Variants in RUBCN observed in about 807,000 individuals in gnomAD.
The protein encoded by RUBCN is rubicon autophagy regulator.
RUBCN carries 74 observed loss-of-function variants against 113.2 expected under a neutral mutation model. The ratio of observed to expected loss-of-function variants is 0.65; its 90% CI spans 0.54 to 0.79. The LOEUF (loss-of-function observed/expected upper bound fraction) is 0.79. Ranked by LOEUF, RUBCN falls within the 30% of genes least tolerant of loss-of-function variation. The probability of loss-of-function intolerance (pLI) is 0.00; values close to 1 mark genes in which losing one functional copy is unlikely to be tolerated. For missense variants in RUBCN, 1,109 were observed against 1,251.7 expected (o/e 0.89, Z 1.72); for synonymous variants, 480 against 490.0 (o/e 0.98, Z 0.27).
intron 7 of RUBCN, chr3:197,699,268 A>G: frequency 7.0e-7 from 1 of 1,437,396 alleles, no homozygotes; most frequent in African/African-American, 1.4e-5. Flanking sequence ...GAGAGTCCAG[A>G]TAGAGCAATG....
chr3:197,733,518 C>T (rs1183471034), intron 1 of RUBCN, among the ~76,000 whole-genome samples: 3 of 152,112 alleles, frequency 2.0e-5, no homozygotes, highest in African/African-American at 7.2e-5. Flanking sequence ...ATGATGCTAT[C>T]TCATCAAGAA....
chr3:197,711,514 T>C (rs1724961975), intron 2 of RUBCN, among the ~76,000 whole-genome samples: 1 of 152,204 alleles, frequency 6.6e-6, no homozygotes, highest in Non-Finnish European at 1.5e-5. Context: ...AAGAAAATCA[T>C]TGGTAATTGC....
intron 2 of RUBCN, among the ~76,000 whole-genome samples, chr3:197,712,059 T>C (rs1725023674): frequency 6.6e-6 from 1 of 152,194 alleles, no homozygotes; most frequent in Non-Finnish European, 1.5e-5. Context: ...ACAGAGGTCT[T>C]TTTTTCATTA....
intron 16 of RUBCN, among the ~76,000 whole-genome samples, chr3:197,677,849 C>G (rs1720630732): frequency 7.2e-6 from 1 of 138,602 alleles, no homozygotes; most frequent in East Asian, 2.2e-4. Flanking sequence ...CACGCTCTAA[C>G]TCGACAACTG....
intron 13 of RUBCN, among the ~76,000 whole-genome samples, chr3:197,682,870 A>C (rs1224573476): frequency 6.6e-6 from 1 of 152,164 alleles, no homozygotes; most frequent in Admixed American, 6.5e-5. Flanking sequence ...AAGGTACTAC[A>C]AGTGAGGGCC....
chr3:197,708,554 C>CAAAAAA (rs113534449), intron 2 of RUBCN, among the ~76,000 whole-genome samples: 1 of 74,566 alleles, frequency 1.3e-5, no homozygotes, highest in East Asian at 5.2e-4. Context: ...GTGGTAGACT[C>CAAAAAA]AAAAAAAAAA....
Position 197,669,106 on chromosome 3 carries a change from G to T in RUBCN, c.*5912C>A, listed in dbSNP as rs1243068468. Among the ~76,000 whole-genome samples, 1 of 152,156 alleles carries T rather than the reference G, an allele frequency of 6.6e-6. No homozygotes were observed. Among genetic ancestry groups the T allele is most frequent in the Non-Finnish European group, 1.5e-5 (1 of 68,026 alleles). ...ATAATTTTAGATCCACAGTAAAGTT[G>T]CAAAGATAGTACAAATTCGTCACAT... On this transcript the variant is annotated 3_prime_UTR_variant, in exon 20 of 20. Coordinates refer to ENST00000296343, the MANE Select transcript of RUBCN (RefSeq NM_014687.4).
chr3:197,709,217 G>A (rs1724667949), intron 2 of RUBCN, among the ~76,000 whole-genome samples: 1 of 152,132 alleles, frequency 6.6e-6, no homozygotes, highest in Non-Finnish European at 1.5e-5. Context: ...TGTTGCATAA[G>A]CAGTTTTTTC....
At chr3:197,743,875 T>G (rs1728627948) in intron 1 of RUBCN, among the ~76,000 whole-genome samples, 1 of 151,930 alleles carries the variant, frequency 6.6e-6, no homozygotes, top group Non-Finnish European at 1.5e-5. Flanking sequence ...TCCCAGCTAC[T>G]TGGGAGGCTG....
chr3:197,749,766 G>A, upstream of RUBCN: 1 of 563,510 alleles, frequency 1.8e-6, no homozygotes, highest in Non-Finnish European at 3.2e-6. Flanking sequence ...TGCGAGGGCC[G>A]CTAGGAGCGA....
intron 11 of RUBCN, among the ~76,000 whole-genome samples, chr3:197,692,575 T>G (rs1243646991): frequency 6.6e-6 from 1 of 151,908 alleles, no homozygotes; most frequent in Non-Finnish European, 1.5e-5. Flanking sequence ...TAACTCCAGG[T>G]AGTTAGTGTC....
rs767718591 is a variant in RUBCN at position 197,701,044 on chromosome 3, G to T, written c.830C>A (p.Pro277Gln). ...PAEDQTIQAP[P>Q]VSVSALARDS... ...CCTGGCTAGTGCAGAGACTGAAACT[G>T]GGGGGGCTTGGATGGTTTGATCCTC... The change falls in exon 7 of 20, where the codon CCA becomes CAA. Residue 277 changes from proline (P) to glutamine (Q), a missense_variant. Pro to Gln is a moderately conservative substitution (Grantham distance 76, BLOSUM62 -1). Coordinates refer to ENST00000296343, the MANE Select transcript of RUBCN (RefSeq NM_014687.4). The T allele has an allele frequency of 1.9e-6, 3 of 1,613,602 alleles. No individual in the cohort carries two copies. Among genetic ancestry groups the T allele is most frequent in the South Asian group, 1.1e-5 (1 of 91,024 alleles).
chr3:197,677,320 G>T (rs1297496536), intron 17 of RUBCN, among the ~76,000 whole-genome samples, 160 bp downstream of exon 17: 1 of 152,210 alleles, frequency 6.6e-6, no homozygotes, highest in Non-Finnish European at 1.5e-5. Context: ...CAGAGAGAAG[G>T]ACACAGATAC....
intron 2 of RUBCN, among the ~76,000 whole-genome samples, chr3:197,713,074 G>T (rs545996906): frequency 2.3e-4 from 35 of 152,262 alleles, no homozygotes; most frequent in African/African-American, 8.4e-4. Flanking sequence ...GGTCAGGCTG[G>T]TCGTAAACTT....
chr3:197,732,391 G>A (rs1727618944), intron 1 of RUBCN, among the ~76,000 whole-genome samples: 1 of 152,218 alleles, frequency 6.6e-6, no homozygotes, highest in Non-Finnish European at 1.5e-5. Flanking sequence ...TCGGCTCACT[G>A]CAAGCTCCGC....
At chr3:197,711,903 A>C (rs1725011153) in intron 2 of RUBCN, among the ~76,000 whole-genome samples, 1 of 152,214 alleles carries the variant, frequency 6.6e-6, no homozygotes, top group Non-Finnish European at 1.5e-5. Context: ...AAAAAAGCAG[A>C]AAATATACCT....
intron 5 of RUBCN, 152 bp downstream of exon 5, chr3:197,703,396 T>TAAA: frequency 3.2e-6 from 1 of 312,742 alleles, no homozygotes; most frequent in Admixed American, 7.0e-5. Context: ...AGACTCTGTC[T>TAAA]CAAAAAAAAA....
chr3:197,680,261 T>C (rs1228846878), intron 16 of RUBCN, among the ~76,000 whole-genome samples: 4 of 129,466 alleles, frequency 3.1e-5, no homozygotes, highest in Admixed American at 7.7e-5. Flanking sequence ...GACTGTCCTG[T>C]GCTCTGACAA....
In RUBCN at chr3:197,704,576, G is replaced by A. The variant is rs374738420; in HGVS notation, c.429C>T (p.Leu143=). Residue 143 remains leucine (L), a synonymous_variant, in exon 4 of 20, where the codon CTC becomes CTT. Transcript: ENST00000296343. ...ATTTTCTGATATACTGTCTATCCCC[G>A]AGCAGGGGCCGGAGCTGGGCTGAGA... ...HCLSAQLRPL[L]GDRQYIRKFY... The A allele has an allele frequency of 1.0e-4, 165 of 1,614,014 alleles. No individual in the cohort carries two copies. Among genetic ancestry groups the A allele is most frequent in the Non-Finnish European group, 1.3e-4 (152 of 1,180,022 alleles).
Sources: gnomAD v4.1 joint callset for allele counts (sites outside exome capture counted in the v4.1 genomes callset) on GRCh38, gnomAD v4.1.1 for gene constraint, MANE v1.5 for transcripts, NCBI Gene and HGNC (gene_info 2026-07-23, HGNC 2026-07-21) for gene names.